Variants in UBOX5 observed in about 807,000 individuals in gnomAD.
UBOX5 encodes the protein RING finger protein 37.
In UBOX5, 28 loss-of-function variants were observed where a neutral mutation model predicts 39.0. The observed-to-expected ratio is 0.72, with a 90% CI of 0.53 to 0.98. UBOX5 has a LOEUF of 0.98. Ranked by LOEUF, UBOX5 falls within the 50% of genes least tolerant of loss-of-function variation. The probability of loss-of-function intolerance (pLI) is 0.00; values close to 1 mark genes in which losing one functional copy is unlikely to be tolerated. For missense variants in UBOX5, 585 were observed against 674.4 expected (o/e 0.87, Z 1.47); for synonymous variants, 283 against 275.5 (o/e 1.03, Z -0.27).
In UBOX5 at chr20:3,121,580, G is replaced by T. The variant is rs765511553; in HGVS notation, c.1059C>A (p.Ile353=). 3.1e-6 allele frequency: 5 copies of T among 1,605,348 alleles called. No homozygotes were observed. Among genetic ancestry groups the T allele is most frequent in the Non-Finnish European group, 3.4e-6 (4 of 1,175,794 alleles). The change falls in exon 3 of 5, where the codon ATC becomes ATA. Residue 353 remains isoleucine, a synonymous_variant. Coordinates refer to ENST00000217173, the MANE Select transcript of UBOX5 (RefSeq NM_014948.4). ...GAGAGGGCAGAACAATGGAAGAAGG[G>T]ATCACTGCCAATGCCGTCTGTGCTC... ...LGRAQTALAV[I]PSSIVLPSQK...
chr20:3,127,013 G>A (rs182350685), intron 1 of UBOX5, among the ~76,000 whole-genome samples: 1 of 135,312 alleles, frequency 7.4e-6, no homozygotes, highest in East Asian at 2.2e-4. Flanking sequence ...TCCAGCCTGG[G>A]CGACAAGAGC....
intron 1 of UBOX5, chr20:3,147,391 T>A: frequency 6.2e-7 from 1 of 1,614,232 alleles, no homozygotes; most frequent in South Asian, 1.1e-5. Context: ...AGACAGTTTC[T>A]AAGAATTCAG....
intron 1 of UBOX5, among the ~76,000 whole-genome samples, chr20:3,151,479 A>C (rs1175774125): frequency 6.6e-6 from 1 of 152,200 alleles, no homozygotes; most frequent in Non-Finnish European, 1.5e-5. Flanking sequence ...CACTATTTCT[A>C]TAAATGCAGA....
At chr20:3,115,850 G>A (rs1464042219) in intron 3 of UBOX5, among the ~76,000 whole-genome samples, 4 of 142,566 alleles carry the variant, frequency 2.8e-5, no homozygotes, top group Non-Finnish European at 4.5e-5. Context: ...TGCAACCTTC[G>A]CCTCCTGGAT....
chr20:3,123,890 T>C lies in UBOX5; in HGVS notation c.-41-484A>G, dbSNP rs575731802. 2.2e-4 allele frequency among the ~76,000 whole-genome samples: 33 copies of C among 152,268 alleles called. 1 individual carries two copies. Among genetic ancestry groups the C allele is most frequent in the African/African-American group, 2.4e-4 (10 of 41,550 alleles). ...AGTCAAAAACATCATTATTGAGACA[T>C]AGAAAATTTATTAGAGGCCAGGTGT... On this transcript the variant is annotated intron_variant, in intron 1 of 4. Coordinates refer to ENST00000217173, the MANE Select transcript of UBOX5 (RefSeq NM_014948.4).
intron 1 of UBOX5, among the ~76,000 whole-genome samples, chr20:3,142,603 C>CA (rs899893927): frequency 0.13 from 6,619 of 50,446 alleles, 415 homozygotes; most frequent in Admixed American, 0.15. Context: ...GACTCCGTCT[C>CA]AAAAAAAAAA....
At position 3,121,490 on chromosome 20, in the gene UBOX5, A is replaced by C; in HGVS notation, c.1149T>G (p.Cys383Trp). The change falls in exon 3 of 5, where the codon TGT (cysteine) becomes TGG (tryptophan). Residue 383 changes from cysteine to tryptophan, a missense_variant. Transcript: ENST00000217173. ...AGACCAAAGGGCTTGTGGCAGAAAA[A>C]CAGGAAGCATTTACACCAAAGTTAC... ...PDSNFGVNAS[C>W]FSATSPLVLP... 1.2e-6 allele frequency: 2 copies of C among 1,614,022 alleles called. No individual in the cohort carries two copies. Among genetic ancestry groups the C allele is most frequent in the Non-Finnish European group, 1.7e-6 (2 of 1,180,006 alleles).
rs1327425963 is a variant in UBOX5 at position 3,113,069 on chromosome 20, T to C, written c.1417+2236A>G. Among the ~76,000 whole-genome samples the C allele has an allele frequency of 3.4e-5, 5 of 146,090 alleles. No homozygotes were observed. In the East Asian group the frequency reaches 1.0e-3, roughly 29 times the overall value. ...CAGGTAGATCACCTGAGGTCAGGAG[T>C]TCGAGACCAGCCTGGCCAACATGGC... On this transcript the variant is annotated intron_variant, in intron 4 of 4. Coordinates refer to ENST00000217173, the MANE Select transcript of UBOX5 (RefSeq NM_014948.4).
At chr20:3,134,005 C>T (rs2066450283) in intron 1 of UBOX5, among the ~76,000 whole-genome samples, 1 of 152,120 alleles carries the variant, frequency 6.6e-6, no homozygotes, top group Non-Finnish European at 1.5e-5. Context: ...AATCCACCCA[C>T]CTTGGCCTCC....
intron 1 of UBOX5, among the ~76,000 whole-genome samples, chr20:3,127,204 C>T (rs1462352387): frequency 1.3e-5 from 2 of 152,134 alleles, no homozygotes; most frequent in East Asian, 3.8e-4. Flanking sequence ...TGAGGCCAGC[C>T]AGCCATTTAT....
At position 3,121,984 on chromosome 20, in the gene UBOX5, G is replaced by C. The variant is rs2066340684; in HGVS notation, c.655C>G (p.Gln219Glu). 3 of 1,614,012 alleles carry C rather than the reference G, an allele frequency of 1.9e-6. No individual in the cohort carries two copies. The highest frequency in any genetic ancestry group is 3.3e-5 in the Admixed American group (2 of 60,016). The change falls in exon 3 of 5, where the codon CAG becomes GAG. Residue 219 changes from glutamine to glutamate, a missense_variant. Coordinates refer to ENST00000217173, the MANE Select transcript of UBOX5 (RefSeq NM_014948.4). ...ILLVTSENLPQDVALQAPALP... is the reference protein window; with the variant it reads ...ILLVTSENLPEDVALQAPALP... ...GCTGGAGCCTGCAGAGCCACATCCT[G>C]AGGCAGGTTCTCTGAGGTGACCAGC...
At chr20:3,127,903 T>C (rs2066402666) in intron 1 of UBOX5, among the ~76,000 whole-genome samples, 1 of 152,170 alleles carries the variant, frequency 6.6e-6, no homozygotes, top group Admixed American at 6.6e-5. Flanking sequence ...ATGAATCTCA[T>C]GGGGTAGAAA....
intron 1 of UBOX5, among the ~76,000 whole-genome samples, chr20:3,140,014 CTTTTTTTTTTTTTT>C (rs138435815): frequency 1.3e-5 from 1 of 78,340 alleles, no homozygotes; most frequent in African/African-American, 4.4e-5. Context: ...GGCCTTTTTA[CTTTTTTTTTTTTTT>C]TTTTTTTTTT....
rs1404276318 is a variant in UBOX5, at chr20:3,107,714, C to A, written c.*2392G>T. 1.3e-5 allele frequency: 2 copies of A among 152,214 alleles called. No individual in the cohort carries two copies. Among genetic ancestry groups the A allele is most frequent in the African/African-American group, 2.4e-5 (1 of 41,448 alleles). The allele number at this position is 152,214 out of a possible 1,614,324, so 9.4% of individuals were successfully genotyped here. On this transcript the variant is annotated 3_prime_UTR_variant, in exon 5 of 5. Transcript: ENST00000217173. This position sits in a 1 kb window ranked among gnomAD's most constrained non-coding sequence, Gnocchi z 5.0. The stretch of plus-strand genomic sequence containing the variant: ...TCAATTAAGAAAAACACACGCAACT[C>A]CTGGGGGTGGCTCCACCTGTACCCA...
intron 1 of UBOX5, among the ~76,000 whole-genome samples, chr20:3,130,896 A>C (rs1048531294): frequency 6.6e-6 from 1 of 152,084 alleles, no homozygotes; most frequent in South Asian, 2.1e-4. Flanking sequence ...GAATTACACA[A>C]AACAGTAAGA....
At chr20:3,130,119 G>A (rs544380401) in intron 1 of UBOX5, among the ~76,000 whole-genome samples, 1 of 152,016 alleles carries the variant, frequency 6.6e-6, no homozygotes, top group African/African-American at 2.4e-5. Context: ...CGTAGTCCCA[G>A]CTACTCAGGA....
chr20:3,110,402 G>C (rs1299982729), intron 4 of UBOX5, 88 bp from the exon 5 acceptor site: 2 of 1,447,718 alleles, frequency 1.4e-6, no homozygotes, highest in African/African-American at 1.4e-5. Flanking sequence ...TTCCCACCGT[G>C]CTGCTGCAGC....
intron 4 of UBOX5, chr20:3,110,693 A>G: frequency 3.5e-6 from 1 of 286,436 alleles, no homozygotes; most frequent in South Asian, 3.8e-5. Flanking sequence ...GAAATGTGAG[A>G]GGCGACAAGA....
chr20:3,137,450 G>A (rs2066481117), intron 1 of UBOX5, among the ~76,000 whole-genome samples: 1 of 151,948 alleles, frequency 6.6e-6, no homozygotes, highest in South Asian at 2.1e-4. Flanking sequence ...TGTATTTTTA[G>A]TAGAGACGGG....
Sources: allele counts gnomAD v4.1 joint callset (sites outside exome capture counted in the v4.1 genomes callset), GRCh38; gene constraint gnomAD v4.1.1; non-coding constraint Gnocchi (gnomAD v3.1); transcripts MANE v1.5; gene names NCBI Gene and HGNC (gene_info 2026-07-23, HGNC 2026-07-21).